The following SRRM4 variants were observed in gnomAD, a reference collection of about 807,000 sequenced individuals.
The protein encoded by SRRM4 is serine/arginine repetitive matrix protein 4.
SRRM4 carries 33 observed loss-of-function variants against 68.9 expected under a neutral mutation model. That is an observed-to-expected ratio of 0.48 (90% confidence interval 0.36 to 0.64). The LOEUF (loss-of-function observed/expected upper bound fraction) is 0.64, where lower values mean the gene tolerates loss of function less well. SRRM4 is among the 30% of genes least tolerant of loss of function. The pLI, the probability that SRRM4 is intolerant of heterozygous loss-of-function variation, is 0.00. For missense variants in SRRM4, 817 were observed against 827.1 expected (o/e 0.99, Z 0.15); for synonymous variants, 318 against 318.8 (o/e 1.00, Z 0.03).
chr12:119,128,447 T>C (rs1023391664), intron 7 of SRRM4, among the ~76,000 whole-genome samples: 1 of 152,168 alleles, frequency 6.6e-6, no homozygotes, highest in African/African-American at 2.4e-5. Flanking sequence ...CCAAACCACC[T>C]ATCACCAGCC....
At chr12:119,019,577 C>T (rs976604937) in intron 1 of SRRM4, among the ~76,000 whole-genome samples, 6 of 152,160 alleles carry the variant, frequency 3.9e-5, no homozygotes, top group Admixed American at 6.5e-5. Context: ...ACTGCTCATG[C>T]ACCCTGTTAC....
intron 1 of SRRM4, among the ~76,000 whole-genome samples, chr12:118,983,217 GAA>G (rs1953261383): frequency 6.6e-6 from 1 of 152,226 alleles, no homozygotes; most frequent in Non-Finnish European, 1.5e-5. Context: ...CCAGATTGGA[GAA>G]GTTTTCCTCT....
At chr12:119,080,609 C>T (rs1953942068) in intron 1 of SRRM4, among the ~76,000 whole-genome samples, 1 of 152,198 alleles carries the variant, frequency 6.6e-6, no homozygotes, top group South Asian at 2.1e-4. Flanking sequence ...TCCCATGTTG[C>T]ACGTGGGAAA....
chr12:119,096,326 C>T (rs1025553420), intron 1 of SRRM4, among the ~76,000 whole-genome samples: 1 of 152,154 alleles, frequency 6.6e-6, no homozygotes, highest in African/African-American at 2.4e-5. Flanking sequence ...AGCCACCACG[C>T]CCGGCCTCTC....
intron 1 of SRRM4, among the ~76,000 whole-genome samples, chr12:119,056,694 C>T (rs1039611892): frequency 1.3e-5 from 2 of 152,158 alleles, no homozygotes; most frequent in South Asian, 2.1e-4. Context: ...TCTCACTCGG[C>T]CTTCTTTTGC....
chr12:119,151,843 G>A (rs1954441576), intron 10 of SRRM4, among the ~76,000 whole-genome samples: 2 of 152,184 alleles, frequency 1.3e-5, no homozygotes, highest in African/African-American at 2.4e-5. Context: ...ATTGTGCAAG[G>A]CTTCTAGGCT....
intron 2 of SRRM4, among the ~76,000 whole-genome samples, chr12:119,106,241 G>A (rs1160804387): frequency 2.6e-5 from 4 of 152,112 alleles, no homozygotes; most frequent in Admixed American, 6.6e-5. Context: ...GTCAGGTAGC[G>A]TGATGCCTCC....
At chr12:119,071,328 G>C (rs1395495826) in intron 1 of SRRM4, among the ~76,000 whole-genome samples, 2 of 152,166 alleles carry the variant, frequency 1.3e-5, no homozygotes, top group Non-Finnish European at 2.9e-5. Flanking sequence ...ATGTGTGTTG[G>C]AATCTTAGCT....
chr12:119,091,509 G>T (rs1954014244), intron 1 of SRRM4, among the ~76,000 whole-genome samples: 1 of 152,194 alleles, frequency 6.6e-6, no homozygotes, highest in South Asian at 2.1e-4. Flanking sequence ...ATCTTTGCAA[G>T]TGAGGCTGGA....
At position 119,145,427 on chromosome 12, in the gene SRRM4, G is replaced by A. The variant is rs751736448; in HGVS notation, c.818G>A (p.Ser273Asn). The A allele has an allele frequency of 1.8e-5, 29 of 1,606,680 alleles. No homozygotes were observed. Among genetic ancestry groups the A allele is most frequent in the Non-Finnish European group, 2.2e-5 (26 of 1,176,616 alleles). Residue 273 changes from serine to asparagine, a missense_variant, in exon 9 of 13, where the codon AGC (serine) becomes AAC (asparagine). By Grantham distance (46) the Ser-to-Asn change is conservative. Coordinates refer to ENST00000267260, the MANE Select transcript of SRRM4 (RefSeq NM_194286.4). ...GCTGACCTCTTTACCAAAACAGCCA[G>A]CCCGCTCACCACCTCGCGAGGACGT... ...SAADLFTKTASPLTTSRGRSQ... is the reference protein window; with the variant it reads ...SAADLFTKTANPLTTSRGRSQ...
intron 1 of SRRM4, among the ~76,000 whole-genome samples, chr12:119,092,605 T>C (rs946949524): frequency 6.6e-6 from 1 of 151,994 alleles, no homozygotes; most frequent in Non-Finnish European, 1.5e-5. Context: ...TCAATAAAAG[T>C]CCATAATCTG....
intron 1 of SRRM4, among the ~76,000 whole-genome samples, chr12:119,070,265 C>T (rs553934483): frequency 6.7e-6 from 1 of 150,146 alleles, no homozygotes; most frequent in African/African-American, 2.5e-5. Flanking sequence ...ACTAAATGAA[C>T]AGGCCTTTCA....
intron 1 of SRRM4, among the ~76,000 whole-genome samples, chr12:119,012,994 G>A (rs975702833): frequency 1.3e-5 from 2 of 152,120 alleles, no homozygotes; most frequent in African/African-American, 4.8e-5. Flanking sequence ...GCATGCACTA[G>A]GCCACAGGTG....
At chr12:119,065,228 G>C (rs540668824) in intron 1 of SRRM4, among the ~76,000 whole-genome samples, 4 of 152,264 alleles carry the variant, frequency 2.6e-5, no homozygotes, top group African/African-American at 9.6e-5. Flanking sequence ...TAAATCTCTT[G>C]TCTCCTTTGG....
intron 7 of SRRM4, among the ~76,000 whole-genome samples, chr12:119,126,014 C>CTTTTTTTTTTTTTTTTTTTTT (rs34680171): frequency 2.8e-5 from 2 of 71,134 alleles, no homozygotes; most frequent in Non-Finnish European, 2.5e-5. Context: ...ATACTAGCTG[C>CTTTTTTTTTTTTTTTTTTTTT]TTTTTTTTTT....
intron 1 of SRRM4, among the ~76,000 whole-genome samples, chr12:119,073,766 A>G (rs1381254603): frequency 6.6e-6 from 1 of 152,088 alleles, no homozygotes; most frequent in Non-Finnish European, 1.5e-5. Context: ...GACCACAGTC[A>G]TACCCTCTGT....
At position 119,150,964 on chromosome 12, in the gene SRRM4, A is replaced by T. The variant is rs183452637; in HGVS notation, c.1077-53A>T. On this transcript the variant is annotated intron_variant, in intron 9 of 12. Coordinates refer to ENST00000267260, the MANE Select transcript of SRRM4 (RefSeq NM_194286.4). ...CAAGGTAGGGAGGTATTCAAACAAGATGCTCCCAGAGTAGTGGGCAGTCGG... is the reference window on the plus strand; with the variant it reads ...CAAGGTAGGGAGGTATTCAAACAAGTTGCTCCCAGAGTAGTGGGCAGTCGG... The T allele has an allele frequency of 5.7e-5, 89 of 1,557,776 alleles. No homozygotes were observed. In the African/African-American group the frequency reaches 8.6e-4, roughly 15 times the overall value.
At chr12:119,052,891 C>T (rs555899330) in intron 1 of SRRM4, among the ~76,000 whole-genome samples, 72 of 152,154 alleles carry the variant, frequency 4.7e-4, no homozygotes, top group African/African-American at 1.4e-3. Context: ...GAAGGTCCTT[C>T]GGTAATAAAT....
At position 119,156,793 on chromosome 12, in the gene SRRM4, C is replaced by A; in HGVS notation, c.1831C>A (p.Arg611Ser). 5 of 1,527,160 alleles carry A rather than the reference C, an allele frequency of 3.3e-6. No individual in the cohort carries two copies. The highest frequency in any genetic ancestry group is 4.4e-6 in the Non-Finnish European group (5 of 1,137,448). 94.6% of individuals were successfully genotyped at this position (1,527,160 alleles called of 1,614,324 possible). Residue 611 changes from arginine to serine, a missense_variant, in exon 13 of 13, where the codon CGC becomes AGC. Transcript: ENST00000267260. ...SSADSYSSTR[R>S] ...AGCAGACAGCTACTCCAGCACGAGG[C>A]GCTAAGTGCCCCTGAGCCAGCTGCC...
Sources: gnomAD v4.1 joint callset for allele counts (sites outside exome capture counted in the v4.1 genomes callset) on GRCh38, gnomAD v4.1.1 for gene constraint, MANE v1.5 for transcripts, NCBI Gene and HGNC (gene_info 2026-07-23, HGNC 2026-07-21) for gene names.